The following MDGA1 variants were observed in gnomAD, a reference collection of about 807,000 sequenced individuals.
MDGA1 encodes the protein MAM domain containing glycosylphosphatidylinositol anchor 1.
Under a neutral mutation model 101.5 loss-of-function variants are expected in MDGA1, and 54 were observed. The observed-to-expected ratio is 0.53, with a 90% confidence interval of 0.43 to 0.67. The LOEUF is 0.67. MDGA1 is among the 30% of genes least tolerant of loss of function. The pLI, the probability that MDGA1 is intolerant of heterozygous loss-of-function variation, is 0.00. For missense variants in MDGA1, 1,083 were observed against 1,323.8 expected (o/e 0.82, Z 2.82); for synonymous variants, 533 against 558.3 (o/e 0.95, Z 0.64).
chr6:37,696,621 C>T lies in MDGA1; in HGVS notation c.67+124G>A. 1.1e-6 allele frequency: 1 copy of T among 909,806 alleles called. No individual in the cohort carries two copies. Among genetic ancestry groups the T allele is most frequent in the Non-Finnish European group, 1.7e-6 (1 of 576,236 alleles). 56.4% of individuals were successfully genotyped at this position (909,806 alleles called of 1,614,324 possible). On this transcript the variant is annotated intron_variant, in intron 1 of 16. Coordinates refer to ENST00000434837, the MANE Select transcript of MDGA1 (RefSeq NM_153487.4). The surrounding 1 kb of genome is among the most constrained non-coding windows in gnomAD (Gnocchi z 5.6). ...CCACGCGCCCTGGAGAGGGCGGGGA[C>T]GCGGGCATCCACTCCAGAGTCCGAG... is the stretch of plus-strand genomic sequence containing the variant.
intron 1 of MDGA1, among the ~76,000 whole-genome samples, chr6:37,672,500 C>T (rs1465879368): frequency 2.0e-5 from 3 of 152,200 alleles, no homozygotes; most frequent in Non-Finnish European, 2.9e-5. Context: ...CTGCTTCTGG[C>T]TCCTTCAGGG....
At chr6:37,656,142 A>AT (rs1339286898) in intron 3 of MDGA1, among the ~76,000 whole-genome samples, 1 of 151,440 alleles carries the variant, frequency 6.6e-6, no homozygotes, top group African/African-American at 2.4e-5. Flanking sequence ...CAGTGGCACA[A>AT]TCTTGGCTCA....
rs373522098 is a variant in MDGA1 at position 37,660,509 on chromosome 6, A to AT, written c.208-2091dup. ...CTCAGATCTATTATCCAATTCACTAATTTTTTCTTTAGCTATCTCTAGGGT... is the reference window on the plus strand; with the variant it reads ...CTCAGATCTATTATCCAATTCACTAATTTTTTTCTTTAGCTATCTCTAGGGT... On this transcript the variant is annotated intron_variant, in intron 2 of 16. Transcript: ENST00000434837. Among the ~76,000 whole-genome samples the AT allele has an allele frequency of 8.7e-3, 1,316 of 151,878 alleles. 19 individuals carry two copies. The highest frequency in any genetic ancestry group is 0.029 in the African/African-American group (1,189 of 41,402).
intron 7 of MDGA1, among the ~76,000 whole-genome samples, chr6:37,651,033 G>C (rs775479158): frequency 1.2e-4 from 19 of 152,232 alleles, no homozygotes; most frequent in Non-Finnish European, 2.2e-4. Context: ...GCTGCAGCTG[G>C]AACTGCCATC....
At chr6:37,692,027 G>C (rs528727187) in intron 1 of MDGA1, among the ~76,000 whole-genome samples, 1 of 152,242 alleles carries the variant, frequency 6.6e-6, no homozygotes, top group South Asian at 2.1e-4. Context: ...AGGGACACCG[G>C]GGTGGGTACG....
In MDGA1 at chr6:37,652,219, G is replaced by A. The variant is rs899302685; in HGVS notation, c.1104C>T (p.Thr368=). The A allele has an allele frequency of 1.2e-6, 2 of 1,613,914 alleles. No individual in the cohort carries two copies. The highest frequency in any genetic ancestry group is 2.7e-5 in the African/African-American group (2 of 74,932). ...HVDAVPQEKV[T]YQWFKNGKPA... is the part of the protein sequence containing the mutation. The stretch of plus-strand genomic sequence containing the variant: ...GCTTGCCATTCTTGAACCACTGGTA[G>A]GTCACCTTCTCCTGGGGCACTGCAT... Residue 368 remains threonine (T), a synonymous_variant, in exon 7 of 17, where the codon ACC becomes ACT. Transcript: ENST00000434837. This position sits in a 1 kb window ranked among gnomAD's most constrained non-coding sequence, Gnocchi z 4.3.
At chr6:37,677,876 T>C (rs1762015111) in intron 1 of MDGA1, among the ~76,000 whole-genome samples, 1 of 152,122 alleles carries the variant, frequency 6.6e-6, no homozygotes, top group Admixed American at 6.5e-5. Flanking sequence ...TGTGGGTCCC[T>C]GGGTAGAGCT....
In MDGA1 at chr6:37,655,919, G is replaced by A. The variant is rs1335100147; in HGVS notation, c.383-23C>T. On this transcript the variant is annotated intron_variant, in intron 3 of 16. Transcript: ENST00000434837. This position sits in a 1 kb window ranked among gnomAD's most constrained non-coding sequence, Gnocchi z 5.1. ...GGTCTGCAAGGGCACAGCCCCCATGGAGTCAGGACTGGGTGACCCCAAGGT... is the reference window on the plus strand; with the variant it reads ...GGTCTGCAAGGGCACAGCCCCCATGAAGTCAGGACTGGGTGACCCCAAGGT... The A allele has an allele frequency of 6.3e-7, 1 of 1,598,310 alleles. No individual in the cohort carries two copies. The highest frequency in any genetic ancestry group is 1.7e-5 in the Admixed American group (1 of 58,680).
rs112648384 is a variant in MDGA1, at chr6:37,652,077, T to C, written c.1246A>G (p.Met416Val). 8.9e-4 allele frequency: 1,439 copies of C among 1,613,182 alleles called. 2 individuals carry two copies. The highest frequency in any genetic ancestry group is 1.1e-3 in the Non-Finnish European group (1,323 of 1,179,816). The change falls in exon 7 of 17, where the codon ATG becomes GTG. Residue 416 changes from methionine (M) to valine (V), a missense_variant. By Grantham distance (21) the Met-to-Val change is conservative (BLOSUM62 1). Transcript: ENST00000434837. This position sits in a 1 kb window ranked among gnomAD's most constrained non-coding sequence, Gnocchi z 4.3. Reference protein sequence around the residue: ...HFSDYGTYLCMASFPGAPVPD... With the variant: ...HFSDYGTYLCVASFPGAPVPD... ...ACGGGTGCCCCTGGGAAAGAAGCCA[T>C]GCACAGGTAGGTGCCATAGTCACTG...
intron 9 of MDGA1, chr6:37,648,567 G>A: frequency 4.5e-6 from 1 of 222,538 alleles, no homozygotes; most frequent in Non-Finnish European, 8.8e-6. Context: ...CCTGGTTTGG[G>A]TGCTGGTAGA....
chr6:37,651,353 C>A (rs1414691716), intron 7 of MDGA1, among the ~76,000 whole-genome samples: 1 of 152,170 alleles, frequency 6.6e-6, no homozygotes, highest in East Asian at 1.9e-4. Context: ...TTAAAATGTA[C>A]CCATGTTCCA....
At chr6:37,676,959 CACTCCAGCACTTA>C (rs1002829502) in intron 1 of MDGA1, among the ~76,000 whole-genome samples, 2 of 151,676 alleles carry the variant, frequency 1.3e-5, no homozygotes, top group African/African-American at 4.8e-5. Context: ...TTAGAGGCTC[CACTCCAGCACTTA>C]ACTTGCCTAA....
At position 37,648,968 on chromosome 6, in the gene MDGA1, C is replaced by T. The variant is rs3734314; in HGVS notation, c.1894+14G>A. 7.3e-4 allele frequency: 1,138 copies of T among 1,549,940 alleles called. 13 individuals carry two copies. The East Asian group carries it at 0.025, about 34-fold the overall frequency. On this transcript the variant is annotated intron_variant, in intron 9 of 16. Transcript: ENST00000434837. ...TGGGCGTGGTAGGTGGGGCGGGACC[C>T]ACTGGACGCTCACCGGAGACCTGGA...
intron 14 of MDGA1, among the ~76,000 whole-genome samples, chr6:37,640,395 G>C (rs1764038984): frequency 6.6e-6 from 1 of 151,900 alleles, no homozygotes; most frequent in African/African-American, 2.4e-5. Context: ...ACAGGGTCTT[G>C]GTGGTACAAT....
At chr6:37,678,457 G>A (rs1342438362) in intron 1 of MDGA1, among the ~76,000 whole-genome samples, 1 of 152,050 alleles carries the variant, frequency 6.6e-6, no homozygotes, top group Non-Finnish European at 1.5e-5. Flanking sequence ...TTCTCCACCA[G>A]CAGGCAGAGG....
intron 9 of MDGA1, 22 bp from the exon 10 acceptor site, chr6:37,647,346 C>T (rs1195837468): frequency 4.7e-6 from 7 of 1,493,270 alleles, no homozygotes; most frequent in East Asian, 4.9e-5. Flanking sequence ...GGGAGGGGGG[C>T]ATTGGGCCGT....
At chr6:37,676,127 G>A (rs1761972817) in intron 1 of MDGA1, among the ~76,000 whole-genome samples, 1 of 152,230 alleles carries the variant, frequency 6.6e-6, no homozygotes, top group Non-Finnish European at 1.5e-5. Context: ...CATAAAACCA[G>A]ACTCATGAGT....
chr6:37,635,731 C>T lies in MDGA1; in HGVS notation c.*1637G>A. 2.5e-6 allele frequency: 1 copy of T among 398,698 alleles called. No individual in the cohort carries two copies. Among genetic ancestry groups the T allele is most frequent in the Middle Eastern group, 6.3e-4 (1 of 1,588 alleles). The allele number at this position is 398,698 out of a possible 1,614,324, so 24.7% of individuals were successfully genotyped here. On this transcript the variant is annotated 3_prime_UTR_variant, in exon 17 of 17. Transcript: ENST00000434837. Reference sequence around the variant, plus strand: ...TGATGCTCCTCACCAAAGGTGCTTGCATTCAATAGGGTCATCTGTAAGCTC... The same window carrying T: ...TGATGCTCCTCACCAAAGGTGCTTGTATTCAATAGGGTCATCTGTAAGCTC...
At chr6:37,640,499 T>C (rs959037491) in intron 14 of MDGA1, among the ~76,000 whole-genome samples, 13 of 151,864 alleles carry the variant, frequency 8.6e-5, no homozygotes, top group Admixed American at 6.6e-5. Flanking sequence ...CCACCACACC[T>C]GGCTAATTTT....
Sources: allele counts gnomAD v4.1 joint callset (sites outside exome capture counted in the v4.1 genomes callset), GRCh38; gene constraint gnomAD v4.1.1; non-coding constraint Gnocchi (gnomAD v3.1); transcripts MANE v1.5; gene names NCBI Gene and HGNC (gene_info 2026-07-23, HGNC 2026-07-21).